LBHD1: variants seen among roughly 807,000 people sequenced by gnomAD.
The protein encoded by LBHD1 is LBH domain-containing protein 1.
In LBHD1, 28 loss-of-function variants were observed where a neutral mutation model predicts 31.1. That is an observed-to-expected ratio of 0.90 (90% confidence interval 0.67 to 1.24). The LOEUF (loss-of-function observed/expected upper bound fraction) is 1.24. LBHD1 is among the 50% of genes most tolerant of loss of function. The pLI is 0.00. For missense variants in LBHD1, 350 were observed against 323.0 expected (o/e 1.08, Z -0.64); for synonymous variants, 105 against 116.5 (o/e 0.90, Z 0.63).
chr11:62,665,012 C>G lies in LBHD1; in HGVS notation c.539-39G>C, dbSNP rs534734272. Reference sequence around the variant, plus strand: ...AGATGCGAATCAGATGGAGTGGGCTCGCCGCGACCCGGGGCCCCTCCACCA... The same window carrying G: ...AGATGCGAATCAGATGGAGTGGGCTGGCCGCGACCCGGGGCCCCTCCACCA... On this transcript the variant is annotated intron_variant, in intron 4 of 6. Transcript: ENST00000354588. 2.5e-6 allele frequency: 4 copies of G among 1,602,518 alleles called. No individual in the cohort carries two copies. The East Asian group carries it at 6.7e-5, about 27-fold the overall frequency.
intron 4 of LBHD1, chr11:62,667,067 C>T (rs375025349): frequency 6.4e-6 from 10 of 1,556,110 alleles, no homozygotes; most frequent in South Asian, 1.2e-5. Context: ...TTTTAGTAGT[C>T]CTGACCCTAG....
chr11:62,664,082 G>GAAAAAAAAAAAAAAAAAAAAAAA (rs71056540), intron 5 of LBHD1, among the ~76,000 whole-genome samples: 1 of 65,944 alleles, frequency 1.5e-5, no homozygotes, highest in Non-Finnish European at 2.8e-5. Flanking sequence ...CAAAAAAGAG[G>GAAAAAAAAAAAAAAAAAAAAAAA]AAAAAAAAAA....
At chr11:62,666,665 G>T in intron 4 of LBHD1, 1 of 1,614,144 alleles carries the variant, frequency 6.2e-7, no homozygotes, top group Non-Finnish European at 8.5e-7. Flanking sequence ...TCCTGTGGCT[G>T]TGGCCCACAT....
At chr11:62,664,595 TGCTGGGATTACAGGTATGA>T (rs1353805884) in intron 5 of LBHD1, among the ~76,000 whole-genome samples, 8 of 152,058 alleles carry the variant, frequency 5.3e-5, no homozygotes, top group African/African-American at 1.9e-4. Context: ...CCCCCCAAAG[TGCTGGGATTACAGGTATGA>T]GCCACCATCC....
rs527424664 is a variant in LBHD1 at position 62,667,531 on chromosome 11, C to G, written c.530G>C (p.Ser177Thr). Residue 177 changes from serine (S) to threonine (T), a missense_variant, in exon 4 of 7, where the codon AGC becomes ACC. By Grantham distance (58) the Ser-to-Thr change is moderately conservative. Transcript: ENST00000354588. ...VEYSHLLPPN[S>T]FEGAEEEAVQ... ...GAGGGAACAATACTTACCCTCAAAGCTATTAGGAGGCAGGAGATGGGAATA... is the reference window on the plus strand; with the variant it reads ...GAGGGAACAATACTTACCCTCAAAGGTATTAGGAGGCAGGAGATGGGAATA... 119 of 1,613,646 alleles carry G rather than the reference C, an allele frequency of 7.4e-5. No homozygotes were observed. The highest frequency in any genetic ancestry group is 9.4e-5 in the Non-Finnish European group (111 of 1,179,760).
intron 1 of LBHD1, chr11:62,670,297 T>G (rs1038513513): frequency 1.3e-4 from 61 of 461,568 alleles, no homozygotes; most frequent in African/African-American, 1.2e-3. Flanking sequence ...GGCCAAGAGT[T>G]GTGATAACCA....
intron 4 of LBHD1, chr11:62,665,515 C>T (rs201847210): frequency 6.4e-6 from 10 of 1,571,918 alleles, no homozygotes; most frequent in Non-Finnish European, 8.6e-6. Context: ...GGCGTCATGT[C>T]TTCGGTGCTG....
chr11:62,668,735 A>G (rs1301895880), intron 3 of LBHD1, among the ~76,000 whole-genome samples: 1 of 150,202 alleles, frequency 6.7e-6, no homozygotes, highest in Non-Finnish European at 1.5e-5. Flanking sequence ...CCCAGGAGGC[A>G]GGGCTTGCAG....
chr11:62,666,532 G>A (rs1944817945), intron 4 of LBHD1: 3 of 1,614,048 alleles, frequency 1.9e-6, no homozygotes, highest in African/African-American at 2.7e-5. Flanking sequence ...TGCCATTGCT[G>A]CAGGAGGCAC....
At chr11:62,669,199 C>T (rs544967022) in intron 3 of LBHD1, among the ~76,000 whole-genome samples, 12 of 152,120 alleles carry the variant, frequency 7.9e-5, no homozygotes, top group African/African-American at 2.2e-4. Context: ...GGATTACAGG[C>T]GTGAGCCACC....
At chr11:62,664,082 GAAAAAAAAAAAA>G (rs71056540) in intron 5 of LBHD1, among the ~76,000 whole-genome samples, 4 of 65,944 alleles carry the variant, frequency 6.1e-5, no homozygotes, top group Non-Finnish European at 1.1e-4. Flanking sequence ...CAAAAAAGAG[GAAAAAAAAAAAA>G]AAAAAAAAAA....
At chr11:62,669,442 C>G in intron 3 of LBHD1, 199 bp downstream of exon 3, 3 of 985,004 alleles carry the variant, frequency 3.0e-6, no homozygotes, top group Non-Finnish European at 3.6e-6. Flanking sequence ...TAAAGGATGG[C>G]ACCCATTCTG....
At chr11:62,669,607 C>T (rs747634709) in intron 3 of LBHD1, 34 bp downstream of exon 3, 4 of 1,591,736 alleles carry the variant, frequency 2.5e-6, no homozygotes, top group East Asian at 4.5e-5. Flanking sequence ...ACATTCAGCT[C>T]ACAGTGGCCC....
Position 62,669,768 on chromosome 11 carries a change from C to T in LBHD1, c.186G>A (p.Val62=), listed in dbSNP as rs1408816111. The change falls in exon 3 of 7, where the codon GTG becomes GTA. Residue 62 remains valine (V), a synonymous_variant. Transcript: ENST00000354588. ...CTTCATTCACCTCACTGGATTCCAC[C>T]ACAATAGACGGCAGATGGGACTTTT... ...FSQKSHLPSI[V]VESSEVNEES... 6.2e-7 allele frequency: 1 copy of T among 1,614,154 alleles called. No homozygotes were observed. The highest frequency in any genetic ancestry group is 1.7e-5 in the Admixed American group (1 of 60,006).
rs146782626 is a variant in LBHD1 at position 62,669,383 on chromosome 11, C to T, written c.313+258G>A. On this transcript the variant is annotated intron_variant, in intron 3 of 6. Coordinates refer to ENST00000354588, the MANE Select transcript of LBHD1 (RefSeq NM_024099.5). ...CTGCACTCCAGTCTGGGTGACAGAGCGAGACTCAGTCTCAAAAAAAAAAAA... is the reference window on the plus strand; with the variant it reads ...CTGCACTCCAGTCTGGGTGACAGAGTGAGACTCAGTCTCAAAAAAAAAAAA... 1,784 of 978,968 alleles carry T rather than the reference C, an allele frequency of 1.8e-3. 32 individuals carry two copies. The African/African-American group carries it at 0.03, about 17-fold the overall frequency. 60.6% of individuals were successfully genotyped at this position (978,968 alleles called of 1,614,324 possible).
chr11:62,671,918 C>G lies in LBHD1; in HGVS notation c.-365G>C. 6.2e-7 allele frequency: 1 copy of G among 1,613,172 alleles called. No individual in the cohort carries two copies. Among genetic ancestry groups the G allele is most frequent in the Non-Finnish European group, 8.5e-7 (1 of 1,179,328 alleles). On this transcript the variant is annotated 5_prime_UTR_variant, in exon 1 of 7. Transcript: ENST00000354588. ...GGGTGGGCGGGTGGAGAGCCCCGGA[C>G]TGGAGCTCCTGCGAACTCCCCTTCC...
intron 4 of LBHD1, chr11:62,666,932 C>G (rs372671423): frequency 6.2e-7 from 1 of 1,613,986 alleles, no homozygotes; most frequent in African/African-American, 1.3e-5. Flanking sequence ...AGATGAGGAC[C>G]CTGATGTGCG....
intron 4 of LBHD1, chr11:62,665,497 G>C (rs1259096068): frequency 2.5e-6 from 4 of 1,572,202 alleles, no homozygotes; most frequent in Non-Finnish European, 3.4e-6. Flanking sequence ...AAGGGCTCTG[G>C]CCCCCTCGGC....
chr11:62,666,611 A>G, intron 4 of LBHD1: 1 of 1,614,126 alleles, frequency 6.2e-7, no homozygotes, highest in South Asian at 1.1e-5. Flanking sequence ...AGGCCTCTAC[A>G]CCAAATCTCC....
Sources: gnomAD v4.1 joint callset for allele counts (sites outside exome capture counted in the v4.1 genomes callset) on GRCh38, gnomAD v4.1.1 for gene constraint, MANE v1.5 for transcripts, NCBI Gene and HGNC (gene_info 2026-07-23, HGNC 2026-07-21) for gene names.